The following TRIM9 variants were observed in gnomAD, a reference collection of about 807,000 sequenced individuals.
The protein encoded by TRIM9 is tripartite motif containing 9.
TRIM9 carries 26 observed loss-of-function variants against 78.3 expected under a neutral mutation model. That is an observed-to-expected ratio of 0.33 (90% CI 0.24 to 0.46). The LOEUF is 0.46. Ranked by LOEUF, TRIM9 falls within the 20% of genes least tolerant of loss-of-function variation. The pLI is 1.00. For synonymous variants in TRIM9, 398 were observed against 416.5 expected (o/e 0.96, Z 0.54); for missense variants, 787 against 1,036.4 (o/e 0.76, Z 3.30).
At chr14:50,987,914 C>A (rs933049106) in intron 7 of TRIM9, among the ~76,000 whole-genome samples, 1 of 152,152 alleles carries the variant, frequency 6.6e-6, no homozygotes, top group Non-Finnish European at 1.5e-5. Flanking sequence ...GATTCTTCAA[C>A]CTCAGCCTCC....
intron 3 of TRIM9, among the ~76,000 whole-genome samples, chr14:51,019,448 C>A (rs1274986365): frequency 6.6e-6 from 1 of 152,182 alleles, no homozygotes; most frequent in Non-Finnish European, 1.5e-5. Flanking sequence ...CTGCATATGT[C>A]TCCAAAGCTT....
Position 50,977,231 on chromosome 14 carries a change from T to A in TRIM9, c.*60A>T, listed in dbSNP as rs2051155004. 22 of 1,373,962 alleles carry A rather than the reference T, an allele frequency of 1.6e-5. No homozygotes were observed. The South Asian group carries it at 3.8e-4, about 24-fold the overall frequency. The allele number at this position is 1,373,962 out of a possible 1,614,324, so 85.1% of individuals were successfully genotyped here. A position where few individuals can be genotyped will look rare whatever the true frequency, so the allele number is the denominator to read the frequency against. On this transcript the variant is annotated 3_prime_UTR_variant, in exon 13 of 13. Coordinates refer to ENST00000684578, the MANE Select transcript of TRIM9 (RefSeq NM_001387360.1). Reference sequence around the variant, plus strand: ...ACCCCACCACGGCTGGCTGAGCTCCTTGCTGTGGCTCTCGCAGGCGGAGGT... The same window carrying A: ...ACCCCACCACGGCTGGCTGAGCTCCATGCTGTGGCTCTCGCAGGCGGAGGT...
chr14:51,070,784 T>C (rs750961230), intron 1 of TRIM9, among the ~76,000 whole-genome samples: 25 of 151,892 alleles, frequency 1.6e-4, no homozygotes, highest in Non-Finnish European at 3.5e-4. Context: ...GCACAGTGTA[T>C]TTGTTTCTGA....
chr14:51,055,075 G>A (rs1025229260), intron 1 of TRIM9, among the ~76,000 whole-genome samples: 1 of 151,992 alleles, frequency 6.6e-6, no homozygotes, highest in East Asian at 1.9e-4. Context: ...GTCCGCCTCG[G>A]CCTCCCAAAG....
intron 7 of TRIM9, among the ~76,000 whole-genome samples, chr14:50,990,280 G>C (rs906063102): frequency 1.3e-5 from 2 of 152,072 alleles, no homozygotes; most frequent in Non-Finnish European, 1.5e-5. Context: ...AGCCTCCCCA[G>C]TGTTGAGATT....
At chr14:51,002,200 C>T (rs1349996806) in intron 5 of TRIM9, among the ~76,000 whole-genome samples, 1 of 152,128 alleles carries the variant, frequency 6.6e-6, no homozygotes, top group African/African-American at 2.4e-5. Flanking sequence ...CGGCTCACTG[C>T]AAGCTCCGCC....
intron 5 of TRIM9, among the ~76,000 whole-genome samples, chr14:51,007,464 C>T (rs1472647969): frequency 6.6e-6 from 1 of 152,152 alleles, no homozygotes; most frequent in Non-Finnish European, 1.5e-5. Context: ...GAAGAAGTGG[C>T]TCAGTGTGGC....
intron 1 of TRIM9, among the ~76,000 whole-genome samples, chr14:51,075,367 A>T (rs899936794): frequency 6.6e-6 from 1 of 151,848 alleles, no homozygotes; most frequent in Admixed American, 6.6e-5. Context: ...TTTTTTCTTT[A>T]AAAAAAATGT....
chr14:50,999,674 C>T (rs1018479303), intron 6 of TRIM9, among the ~76,000 whole-genome samples: 1 of 152,146 alleles, frequency 6.6e-6, no homozygotes, highest in Non-Finnish European at 1.5e-5. Context: ...AAAGCCTCAT[C>T]CTCACGGGCC....
chr14:50,982,258 T>C, intron 10 of TRIM9, 155 bp from the exon 11 acceptor site: 1 of 776,034 alleles, frequency 1.3e-6, no homozygotes, highest in Admixed American at 2.6e-5. Context: ...GGGCACGTCC[T>C]GGGAGTTGGT....
intron 3 of TRIM9, among the ~76,000 whole-genome samples, chr14:51,011,198 G>T (rs998522495): frequency 9.2e-5 from 14 of 152,326 alleles, no homozygotes; most frequent in African/African-American, 2.9e-4. Context: ...CTGTGAGTCT[G>T]CTTTAACCTA....
At chr14:51,044,005 G>C (rs1406186067) in intron 1 of TRIM9, among the ~76,000 whole-genome samples, 1 of 152,114 alleles carries the variant, frequency 6.6e-6, no homozygotes, top group South Asian at 2.1e-4. Context: ...TGATAGACTG[G>C]AGCAATGGTC....
At chr14:51,050,359 C>A (rs890312872) in intron 1 of TRIM9, among the ~76,000 whole-genome samples, 1 of 152,158 alleles carries the variant, frequency 6.6e-6, no homozygotes. Flanking sequence ...GATGGTTTTA[C>A]AAGAGGAATC....
intron 1 of TRIM9, among the ~76,000 whole-genome samples, chr14:51,078,562 T>C (rs2063014718): frequency 6.6e-6 from 1 of 152,200 alleles, no homozygotes; most frequent in Admixed American, 6.5e-5. Context: ...CAACGTGGGT[T>C]ATGCTAAGTA....
chr14:51,064,537 A>G (rs1330087471), intron 1 of TRIM9, among the ~76,000 whole-genome samples: 2 of 152,006 alleles, frequency 1.3e-5, no homozygotes, highest in African/African-American at 4.8e-5. Context: ...AGGATATAAT[A>G]AAGACTAGAA....
chr14:51,056,603 C>T (rs2060915962), intron 1 of TRIM9, among the ~76,000 whole-genome samples: 1 of 152,208 alleles, frequency 6.6e-6, no homozygotes. Flanking sequence ...GGCACCCACT[C>T]TGAATACAAA....
At chr14:50,998,834 T>G (rs1214869950) in intron 6 of TRIM9, among the ~76,000 whole-genome samples, 1 of 152,256 alleles carries the variant, frequency 6.6e-6, no homozygotes, top group African/African-American at 2.4e-5. Flanking sequence ...AGGTTAGGCA[T>G]TTGCCTCCCT....
At chr14:51,087,695 C>G (rs914406579) in intron 1 of TRIM9, among the ~76,000 whole-genome samples, 1 of 152,134 alleles carries the variant, frequency 6.6e-6, no homozygotes, top group Non-Finnish European at 1.5e-5. Context: ...ATTAGCAAAA[C>G]CTGGAATGCA....
intron 3 of TRIM9, among the ~76,000 whole-genome samples, chr14:51,020,304 T>C (rs1406853079): frequency 6.6e-6 from 1 of 152,150 alleles, no homozygotes; most frequent in Non-Finnish European, 1.5e-5. Context: ...CCTGTATCAG[T>C]GGTCATGACA....
Sources: allele counts gnomAD v4.1 joint callset (sites outside exome capture counted in the v4.1 genomes callset), GRCh38; gene constraint gnomAD v4.1.1; transcripts MANE v1.5; gene names NCBI Gene and HGNC (gene_info 2026-07-23, HGNC 2026-07-21).